The following SASH1 variants were observed in gnomAD, a reference collection of about 807,000 sequenced individuals.
The protein encoded by SASH1 is SAM and SH3 domain-containing protein 1.
A neutral mutation model predicts 125.2 loss-of-function variants in SASH1; 44 were observed. The ratio of observed to expected loss-of-function variants is 0.35; its 90% CI spans 0.28 to 0.45. SASH1 has a LOEUF of 0.45. Among genes scored for constraint, SASH1 ranks in the 20% least tolerant of loss-of-function variants. SASH1 has a pLI of 1.00. For synonymous variants in SASH1, 639 were observed against 649.1 expected (o/e 0.98, Z 0.24); for missense variants, 1,426 against 1,614.5 (o/e 0.88, Z 2.00).
chr6:148,388,776 C>T (rs188621258), intron 1 of SASH1, among the ~76,000 whole-genome samples: 45 of 152,320 alleles, frequency 3.0e-4, no homozygotes, highest in Admixed American at 1.1e-3. Context: ...AAGCCTGCTT[C>T]GCAGTGTTAG....
intron 1 of SASH1, among the ~76,000 whole-genome samples, chr6:148,332,060 T>C (rs914266503): frequency 6.6e-6 from 1 of 152,192 alleles, no homozygotes; most frequent in East Asian, 1.9e-4. Flanking sequence ...TGTTCTGCTG[T>C]CTGCACTTTG....
chr6:148,449,227 G>A (rs1459282011), intron 4 of SASH1, among the ~76,000 whole-genome samples: 10 of 149,978 alleles, frequency 6.7e-5, no homozygotes, highest in Admixed American at 2.7e-4. Context: ...GTGCCACCAC[G>A]CCCAACTAAT....
chr6:148,482,392 A>C (rs1325295668), intron 7 of SASH1, among the ~76,000 whole-genome samples: 1 of 152,236 alleles, frequency 6.6e-6, no homozygotes, highest in African/African-American at 2.4e-5. Flanking sequence ...TTACACATTG[A>C]TCTGATAATG....
At chr6:148,333,290 G>A (rs1781046712) in intron 1 of SASH1, among the ~76,000 whole-genome samples, 1 of 152,058 alleles carries the variant, frequency 6.6e-6, no homozygotes, top group Admixed American at 6.6e-5. Context: ...GTGCATGCCT[G>A]TAGTTCCAGC....
chr6:148,440,073 C>T lies in SASH1; in HGVS notation c.286-111C>T, dbSNP rs1040237863. ...TTTATCTCTGCCATCTCCTCCCACT[C>T]TATACCCCAACCTTTCCCGAATCCT... On this transcript the variant is annotated intron_variant, in intron 2 of 19. Transcript: ENST00000367467. The T allele has an allele frequency of 7.1e-6, 7 of 980,642 alleles. No individual in the cohort carries two copies. In the African/African-American group the frequency reaches 1.1e-4, roughly 16 times the overall value. 60.7% of individuals were successfully genotyped at this position (980,642 alleles called of 1,614,324 possible).
chr6:148,438,988 G>T (rs568931906), intron 2 of SASH1, among the ~76,000 whole-genome samples: 7 of 152,008 alleles, frequency 4.6e-5, no homozygotes, highest in African/African-American at 1.7e-4. Flanking sequence ...ATACTTTATT[G>T]CTACTTTTAT....
At chr6:148,448,117 T>G (rs73788554) in intron 4 of SASH1, among the ~76,000 whole-genome samples, 1 of 110,152 alleles carries the variant, frequency 9.1e-6, no homozygotes, top group African/African-American at 3.5e-5. Context: ...GTGGAGAGAG[T>G]GTGTGTGTGT....
At chr6:148,265,737 CA>C in the SASH1 span, among the ~76,000 whole-genome samples, 18 of 152,282 alleles carry the variant, frequency 1.2e-4, no homozygotes, top group African/African-American at 4.3e-4. Context: ...GACCTGTGCC[CA>C]AGCCTTCTGA....
chr6:148,289,726 G>C (rs1400773892), intron 1 of SASH1, among the ~76,000 whole-genome samples: 4 of 152,136 alleles, frequency 2.6e-5, no homozygotes, highest in African/African-American at 9.7e-5. Context: ...ATAGGGGCAG[G>C]GGATGCAGTC....
At chr6:148,265,508 A>G in the SASH1 span, among the ~76,000 whole-genome samples, 2 of 152,222 alleles carry the variant, frequency 1.3e-5, no homozygotes, top group Admixed American at 6.5e-5. Context: ...GGTGCTCCCC[A>G]TGCCTCTTGA....
chr6:148,399,214 CTTTT>C (rs371374910), intron 2 of SASH1, among the ~76,000 whole-genome samples: 2,828 of 106,284 alleles, frequency 0.027, 17 homozygotes, highest in African/African-American at 0.083. Flanking sequence ...ATTTCAGCTT[CTTTT>C]TTTTTTTTTT....
At chr6:148,344,755 C>CTTT (rs762490919) in intron 1 of SASH1, among the ~76,000 whole-genome samples, 1 of 143,532 alleles carries the variant, frequency 7.0e-6, no homozygotes, top group African/African-American at 2.6e-5. Context: ...TTTTTCTTTT[C>CTTT]TTTTTTTTTT....
chr6:148,226,781 C>T, the SASH1 span, among the ~76,000 whole-genome samples: 2 of 152,104 alleles, frequency 1.3e-5, no homozygotes, highest in African/African-American at 4.8e-5. Context: ...ATCTCTTTTC[C>T]GGTATCTTTC....
chr6:148,234,274 T>C, the SASH1 span, among the ~76,000 whole-genome samples: 2 of 152,160 alleles, frequency 1.3e-5, no homozygotes, highest in Non-Finnish European at 2.9e-5. Context: ...AAGTACATTC[T>C]GAGTTGCAGT....
At chr6:148,362,717 G>A (rs931569875) in intron 1 of SASH1, among the ~76,000 whole-genome samples, 5 of 152,082 alleles carry the variant, frequency 3.3e-5, no homozygotes, top group East Asian at 1.9e-4. Flanking sequence ...GTGTGGTGGC[G>A]TGTGACTGTA....
At chr6:148,411,528 T>TTTTTA (rs1784630520) in intron 2 of SASH1, among the ~76,000 whole-genome samples, 1 of 152,110 alleles carries the variant, frequency 6.6e-6, no homozygotes, top group South Asian at 2.1e-4. Context: ...ACTTGATGAA[T>TTTTTA]TTTTATTTTA....
chr6:148,516,182 G>C (rs1015573449), intron 9 of SASH1, among the ~76,000 whole-genome samples: 3 of 152,226 alleles, frequency 2.0e-5, no homozygotes, highest in African/African-American at 4.8e-5. Flanking sequence ...CACAAATCAG[G>C]CTTCACAGAT....
intron 1 of SASH1, among the ~76,000 whole-genome samples, chr6:148,304,457 A>C (rs1354526932): frequency 1.3e-5 from 2 of 148,608 alleles, no homozygotes; most frequent in Non-Finnish European, 3.0e-5. Flanking sequence ...AAAAGAAAAA[A>C]AAAATTAGCC....
Position 148,440,341 on chromosome 6 carries a change from C to T in SASH1, c.337-17C>T, listed in dbSNP as rs141302974. The T allele has an allele frequency of 5.5e-5, 88 of 1,613,522 alleles. No homozygotes were observed. The highest frequency in any genetic ancestry group is 7.1e-5 in the Non-Finnish European group (84 of 1,179,618). ...TGCTGCTCTGACCACACTGACTATA[C>T]GAATCTTCTCTCGTAGGAGTCGCTT... On this transcript the variant is annotated splice_polypyrimidine_tract_variant and intron_variant, in intron 3 of 19. Coordinates refer to ENST00000367467, the MANE Select transcript of SASH1 (RefSeq NM_015278.5).
Sources: gnomAD v4.1 joint callset for allele counts (sites outside exome capture counted in the v4.1 genomes callset) on GRCh38, gnomAD v4.1.1 for gene constraint, MANE v1.5 for transcripts, NCBI Gene and HGNC (gene_info 2026-07-23, HGNC 2026-07-21) for gene names.